CEP85L: variants seen among roughly 807,000 people sequenced by gnomAD.
CEP85L encodes centrosomal protein of 85 kDa-like.
A neutral mutation model predicts 100.3 loss-of-function variants in CEP85L; 60 were observed. The observed-to-expected ratio is 0.60, with a 90% CI of 0.49 to 0.74. CEP85L has a LOEUF of 0.74. CEP85L is among the 30% of genes least tolerant of loss of function. CEP85L has a pLI of 0.00. For missense variants in CEP85L, 973 were observed against 936.2 expected (o/e 1.04, Z -0.51); for synonymous variants, 319 against 322.7 (o/e 0.99, Z 0.12).
At chr6:118,578,256 T>C (rs1405594456) in intron 2 of CEP85L, among the ~76,000 whole-genome samples, 1 of 152,160 alleles carries the variant, frequency 6.6e-6, no homozygotes, top group Admixed American at 6.5e-5. Flanking sequence ...CTTAAACTTA[T>C]TCTGTAGGCA....
chr6:118,520,682 C>T (rs557960606), intron 4 of CEP85L, among the ~76,000 whole-genome samples: 2 of 152,172 alleles, frequency 1.3e-5, no homozygotes, highest in Admixed American at 6.5e-5. Context: ...TCTCTGTATT[C>T]GCTACTTCCC....
At chr6:118,559,292 A>T in intron 3 of CEP85L, 1 of 562,504 alleles carries the variant, frequency 1.8e-6, no homozygotes, top group Non-Finnish European at 3.3e-6. Flanking sequence ...ATTTTCAAAA[A>T]TTAACTTCAA....
chr6:118,570,072 G>A (rs955532788), intron 2 of CEP85L, among the ~76,000 whole-genome samples: 5 of 152,010 alleles, frequency 3.3e-5, no homozygotes, highest in African/African-American at 1.2e-4. Context: ...ATGTAGATGC[G>A]TGCATATCTA....
intron 2 of CEP85L, among the ~76,000 whole-genome samples, chr6:118,571,904 T>C (rs1170956361): frequency 6.6e-6 from 1 of 152,206 alleles, no homozygotes; most frequent in Non-Finnish European, 1.5e-5. Flanking sequence ...TTGCCCAGGC[T>C]GGAGTGCAAG....
rs538963308 is a variant in CEP85L at position 118,645,923 on chromosome 6, T to C, written c.73+5274A>G. Among the ~76,000 whole-genome samples, 87 of 152,318 alleles carry C rather than the reference T, an allele frequency of 5.7e-4. 3 individuals carry two copies. The South Asian group carries it at 0.015, about 27-fold the overall frequency. ...AAAAACAGAAATCAAAATATTGGTA[T>C]GAAAAGTAATTTGGGGCCAGGCGTG... On this transcript the variant is annotated intron_variant, in intron 1 of 12. Transcript: ENST00000368491.
At chr6:118,687,386 A>T (rs1413017383) in intron 1 of CEP85L, among the ~76,000 whole-genome samples, 1 of 152,140 alleles carries the variant, frequency 6.6e-6, no homozygotes, top group Admixed American at 6.6e-5. Context: ...CCACTGAGAG[A>T]CAGGACTAGC....
chr6:118,637,355 T>C (rs890818338), intron 1 of CEP85L, among the ~76,000 whole-genome samples: 2 of 152,118 alleles, frequency 1.3e-5, no homozygotes, highest in African/African-American at 4.8e-5. Flanking sequence ...CTTGAACCTC[T>C]GACTTTTACA....
chr6:118,630,322 C>CCTCTCAAT (rs1209159258), intron 2 of CEP85L, among the ~76,000 whole-genome samples: 1 of 152,138 alleles, frequency 6.6e-6, no homozygotes, highest in Non-Finnish European at 1.5e-5. Flanking sequence ...CCTGGAAATG[C>CCTCTCAAT]CTCTCAATTT....
intron 2 of CEP85L, among the ~76,000 whole-genome samples, chr6:118,607,049 C>T (rs1196943089): frequency 6.6e-6 from 1 of 152,048 alleles, no homozygotes; most frequent in Non-Finnish European, 1.5e-5. Context: ...GCCATGGGGG[C>T]CAAGCTGCAT....
intron 10 of CEP85L, among the ~76,000 whole-genome samples, chr6:118,474,373 C>T (rs372149045): frequency 6.6e-6 from 1 of 152,220 alleles, no homozygotes; most frequent in African/African-American, 2.4e-5. Flanking sequence ...TCCCTCTCCT[C>T]CCAGACCCTA....
intron 5 of CEP85L, chr6:118,502,526 C>A: frequency 2.0e-6 from 1 of 489,126 alleles, no homozygotes. Flanking sequence ...GACATTTGGA[C>A]TCTAATACTC....
chr6:118,588,794 A>C (rs1384072036), intron 2 of CEP85L, among the ~76,000 whole-genome samples: 1 of 152,188 alleles, frequency 6.6e-6, no homozygotes, highest in Non-Finnish European at 1.5e-5. Context: ...GTTGCAAACC[A>C]AACCACACAT....
At chr6:118,553,997 T>G (rs1166079775) in intron 3 of CEP85L, among the ~76,000 whole-genome samples, 1 of 152,208 alleles carries the variant, frequency 6.6e-6, no homozygotes, top group Non-Finnish European at 1.5e-5. Flanking sequence ...AGCATTATTT[T>G]TAAAATTGTT....
chr6:118,499,316 C>T lies in CEP85L; in HGVS notation c.1258-7451G>A, dbSNP rs1582917390. On this transcript the variant is annotated intron_variant, in intron 5 of 12. Transcript: ENST00000368491. Reference sequence around the variant, plus strand: ...CACCAACAGGCTAAAAAAGACAAATCATGATTATGTCAAATCCACGAAATG... The same window carrying T: ...CACCAACAGGCTAAAAAAGACAAATTATGATTATGTCAAATCCACGAAATG... 2.0e-5 allele frequency among the ~76,000 whole-genome samples: 3 copies of T among 152,270 alleles called. No individual in the cohort carries two copies. In the East Asian group the frequency reaches 5.8e-4, roughly 29 times the overall value.
At chr6:118,467,982 G>C (rs1772655144) in intron 12 of CEP85L, among the ~76,000 whole-genome samples, 1 of 152,180 alleles carries the variant, frequency 6.6e-6, no homozygotes. Context: ...GTGTGGACAA[G>C]GACTGTGTTC....
At chr6:118,602,687 G>T (rs1426281590) in intron 2 of CEP85L, among the ~76,000 whole-genome samples, 1 of 152,134 alleles carries the variant, frequency 6.6e-6, no homozygotes, top group Non-Finnish European at 1.5e-5. Flanking sequence ...GACAAATTAT[G>T]GTAAGACCGA....
intron 2 of CEP85L, among the ~76,000 whole-genome samples, chr6:118,613,304 A>T (rs1306244454): frequency 3.3e-5 from 5 of 152,228 alleles, no homozygotes; most frequent in Non-Finnish European, 7.3e-5. Flanking sequence ...GAATGTTATA[A>T]ACAATTCTAC....
At chr6:118,633,517 T>G (rs1487703432) in intron 1 of CEP85L, among the ~76,000 whole-genome samples, 1 of 152,210 alleles carries the variant, frequency 6.6e-6, no homozygotes, top group Non-Finnish European at 1.5e-5. Flanking sequence ...TTTGTCCTTT[T>G]AATTTAAATA....
intron 5 of CEP85L, among the ~76,000 whole-genome samples, chr6:118,499,383 T>C (rs1237090191): frequency 6.6e-6 from 1 of 152,166 alleles, no homozygotes; most frequent in Non-Finnish European, 1.5e-5. Flanking sequence ...TAAAAACTCT[T>C]GGCCAGGCAC....
Sources: gnomAD v4.1 joint callset for allele counts (sites outside exome capture counted in the v4.1 genomes callset) on GRCh38, gnomAD v4.1.1 for gene constraint, MANE v1.5 for transcripts, NCBI Gene and HGNC (gene_info 2026-07-23, HGNC 2026-07-21) for gene names.